Variants in ARID1B observed in about 807,000 individuals in gnomAD.
ARID1B encodes AT-rich interaction domain 1B, also known as AT-rich interactive domain-containing protein 1B.
Under a neutral mutation model 212.3 loss-of-function variants are expected in ARID1B, and 30 were observed. The observed-to-expected ratio is 0.14, with a 90% confidence interval of 0.11 to 0.19. ARID1B has a LOEUF of 0.19. Ranked by LOEUF, ARID1B falls within the 10% of genes least tolerant of loss-of-function variation. ARID1B has a pLI of 1.00. For synonymous variants in ARID1B, 1,402 were observed against 1,301.7 expected (o/e 1.08, Z -1.66); for missense variants, 2,891 against 3,204.0 (o/e 0.90, Z 2.36).
chr6:156,932,649 A>G (rs1038772565), intron 3 of ARID1B, among the ~76,000 whole-genome samples: 1 of 152,202 alleles, frequency 6.6e-6, no homozygotes, highest in African/African-American at 2.4e-5. Context: ...AGTATGTACC[A>G]AAAAATAAAT....
chr6:156,837,088 T>C (rs941210452), intron 2 of ARID1B, among the ~76,000 whole-genome samples: 16 of 152,246 alleles, frequency 1.1e-4, no homozygotes, highest in African/African-American at 3.6e-4. Flanking sequence ...GAGGTGTTTC[T>C]TTCTTCTTCA....
chr6:157,020,671 T>C (rs1452277420), intron 4 of ARID1B, among the ~76,000 whole-genome samples: 1 of 152,294 alleles, frequency 6.6e-6, no homozygotes, highest in African/African-American at 2.4e-5. Context: ...AGTGGTGGTT[T>C]CAAACTATAT....
chr6:157,165,385 T>C (rs1791256008), intron 8 of ARID1B, among the ~76,000 whole-genome samples: 1 of 152,210 alleles, frequency 6.6e-6, no homozygotes. Context: ...TTCCAAGCCA[T>C]CATGGTACAT....
chr6:157,191,768 AC>A (rs899817600), intron 15 of ARID1B, among the ~76,000 whole-genome samples: 3 of 152,228 alleles, frequency 2.0e-5, no homozygotes, highest in Non-Finnish European at 2.9e-5. Context: ...TTGGAAAAAA[AC>A]ATATAGAATA....
chr6:156,952,685 C>G (rs755142650), intron 4 of ARID1B, among the ~76,000 whole-genome samples: 1 of 152,170 alleles, frequency 6.6e-6, no homozygotes, highest in Non-Finnish European at 1.5e-5. Context: ...GGAGCAGGGT[C>G]TGTTGAAAGA....
intron 7 of ARID1B, among the ~76,000 whole-genome samples, chr6:157,144,984 A>G (rs6557533): frequency 0.11 from 16,824 of 152,218 alleles, 1,429 homozygotes; most frequent in African/African-American, 0.24. Flanking sequence ...GGAGCTGCCA[A>G]TAAAAAAGCT....
At chr6:156,890,744 T>TTAGTCAAGAGAAGCCAGA in intron 2 of ARID1B, among the ~76,000 whole-genome samples, 1 of 152,342 alleles carries the variant, frequency 6.6e-6, no homozygotes, top group South Asian at 2.1e-4. Flanking sequence ...CTTTTTCCTG[T>TTAGTCAAGAGAAGCCAGA]TAGTCAAGAG....
At chr6:156,924,123 G>T (rs1208844721) in intron 3 of ARID1B, among the ~76,000 whole-genome samples, 1 of 152,146 alleles carries the variant, frequency 6.6e-6, no homozygotes, top group Non-Finnish European at 1.5e-5. Flanking sequence ...ACCTTAGAAG[G>T]TAGGTTCCTG....
intron 2 of ARID1B, among the ~76,000 whole-genome samples, chr6:156,830,841 G>C (rs972254504): frequency 2.0e-5 from 3 of 152,038 alleles, no homozygotes; most frequent in African/African-American, 7.2e-5. Context: ...GCTCCCACTT[G>C]GATGATTTTG....
intron 1 of ARID1B, among the ~76,000 whole-genome samples, chr6:156,788,492 C>T (rs988315626): frequency 1.3e-5 from 2 of 152,160 alleles, no homozygotes; most frequent in Non-Finnish European, 2.9e-5. Context: ...ACTTCCTAAA[C>T]CTTCCCACTT....
At chr6:157,133,947 T>G (rs549742039) in intron 7 of ARID1B, among the ~76,000 whole-genome samples, 2 of 152,240 alleles carry the variant, frequency 1.3e-5, no homozygotes, top group Non-Finnish European at 2.9e-5. Context: ...TAAGTCACTT[T>G]TAGCAATAAG....
chr6:157,139,674 C>CTA (rs1299502799), intron 7 of ARID1B, among the ~76,000 whole-genome samples: 1,640 of 149,026 alleles, frequency 0.011, 21 homozygotes, highest in African/African-American at 0.036. Context: ...GGGTTAATAG[C>CTA]TATATATATA....
At chr6:157,017,863 T>C (rs1183994286) in intron 4 of ARID1B, among the ~76,000 whole-genome samples, 2 of 150,952 alleles carry the variant, frequency 1.3e-5, no homozygotes, top group East Asian at 3.9e-4. Flanking sequence ...TGGTGGCTCA[T>C]GCCTGAAATC....
intron 4 of ARID1B, among the ~76,000 whole-genome samples, chr6:157,069,394 G>C (rs905011840): frequency 2.6e-5 from 4 of 152,116 alleles, no homozygotes; most frequent in African/African-American, 9.7e-5. Context: ...TGGTTATAAA[G>C]CCATTAATCT....
intron 1 of ARID1B, among the ~76,000 whole-genome samples, chr6:156,822,750 C>T (rs1782443466): frequency 6.6e-6 from 1 of 152,164 alleles, no homozygotes; most frequent in Non-Finnish European, 1.5e-5. Flanking sequence ...CCCACAGTGG[C>T]TTCTGGGTGG....
At chr6:156,925,093 C>T (rs910215280) in intron 3 of ARID1B, among the ~76,000 whole-genome samples, 6 of 152,102 alleles carry the variant, frequency 3.9e-5, no homozygotes, top group African/African-American at 1.2e-4. Context: ...AATTAGCAGC[C>T]TCTAGGATTC....
Position 156,897,988 on chromosome 6 carries a change from G to C in ARID1B, c.1987-3388G>C, listed in dbSNP as rs189657730. On this transcript the variant is annotated intron_variant, in intron 2 of 19. Coordinates refer to ENST00000636930, the MANE Select transcript of ARID1B (RefSeq NM_001374828.1). ...AGCTTATATTCTAGTGATGAGGACA[G>C]ATAGTAAACACGTGAACACGTAGTT... 1.2e-4 allele frequency among the ~76,000 whole-genome samples: 19 copies of C among 152,298 alleles called. 1 individual carries two copies. The East Asian group carries it at 2.5e-3, about 20-fold the overall frequency.
At chr6:156,880,405 AAC>A (rs1426517375) in intron 2 of ARID1B, among the ~76,000 whole-genome samples, 3 of 152,178 alleles carry the variant, frequency 2.0e-5, no homozygotes, top group African/African-American at 7.2e-5. Context: ...TAGAGTAGGA[AAC>A]AGTTATTTAG....
rs564502409 is a variant in ARID1B, at chr6:157,201,933, G to A, written c.5263+445G>A. The stretch of plus-strand genomic sequence containing the variant: ...CCAAGCCACTTAATCACTACAATAC[G>A]TGCCTAACAGACCCCCCCATGAGGC... On this transcript the variant is annotated intron_variant, in intron 18 of 19. Coordinates refer to ENST00000636930, the MANE Select transcript of ARID1B (RefSeq NM_001374828.1). This position sits in a 1 kb window ranked among gnomAD's most constrained non-coding sequence, Gnocchi z 5.2. Among the ~76,000 whole-genome samples the A allele has an allele frequency of 8.5e-5, 13 of 152,276 alleles. No individual in the cohort carries two copies. Among genetic ancestry groups the A allele is most frequent in the African/African-American group, 2.4e-4 (10 of 41,560 alleles).
Sources: allele counts gnomAD v4.1 joint callset (sites outside exome capture counted in the v4.1 genomes callset), GRCh38; gene constraint gnomAD v4.1.1; non-coding constraint Gnocchi (gnomAD v3.1); transcripts MANE v1.5; gene names NCBI Gene and HGNC (gene_info 2026-07-23, HGNC 2026-07-21).